The following ELAVL2 variants were observed in gnomAD, a reference collection of about 807,000 sequenced individuals.
ELAVL2 encodes the protein ELAV-like protein 2.
ELAVL2 carries 4 observed loss-of-function variants against 34.6 expected under a neutral mutation model. The ratio of observed to expected loss-of-function variants is 0.12; its 90% CI spans 0.06 to 0.26. The LOEUF (loss-of-function observed/expected upper bound fraction) is 0.26, where lower values mean the gene tolerates loss of function less well. ELAVL2 is among the 10% of genes least tolerant of loss of function. The pLI is 1.00. For synonymous variants in ELAVL2, 193 were observed against 154.8 expected, an observed-to-expected ratio of 1.25 and a Z score of -1.83; for missense variants, 432 against 442.8, an observed-to-expected ratio of 0.98 and a Z score of 0.22.
intron 1 of ELAVL2, among the ~76,000 whole-genome samples, chr9:23,811,980 G>A (rs2063069349): frequency 6.6e-6 from 1 of 152,114 alleles, no homozygotes; most frequent in Non-Finnish European, 1.5e-5. Flanking sequence ...AATGGACCAA[G>A]AAAAGACACA....
At chr9:23,743,553 C>T (rs1175477575) in intron 2 of ELAVL2, among the ~76,000 whole-genome samples, 2 of 152,096 alleles carry the variant, frequency 1.3e-5, no homozygotes, top group African/African-American at 2.4e-5. Flanking sequence ...TGTCTTTTAC[C>T]ACTGACTTTA....
intron 3 of ELAVL2, among the ~76,000 whole-genome samples, chr9:23,709,096 G>A (rs2040215262): frequency 6.6e-6 from 1 of 151,952 alleles, no homozygotes; most frequent in Non-Finnish European, 1.5e-5. Context: ...TTCACTTTCA[G>A]GAAATAAAGG....
At chr9:23,766,151 T>C (rs931906031) in intron 1 of ELAVL2, among the ~76,000 whole-genome samples, 1 of 152,172 alleles carries the variant, frequency 6.6e-6, no homozygotes, top group Non-Finnish European at 1.5e-5. Flanking sequence ...CTCTTGATAT[T>C]AGCAATGCCG....
intron 1 of ELAVL2, among the ~76,000 whole-genome samples, chr9:23,792,265 AT>A (rs1341626228): frequency 3.9e-5 from 6 of 152,210 alleles, no homozygotes; most frequent in Non-Finnish European, 7.3e-5. Context: ...AGTATGTTAA[AT>A]GTATTTTCTA....
At chr9:23,807,635 TG>T (rs2062411025) in intron 1 of ELAVL2, among the ~76,000 whole-genome samples, 1 of 152,070 alleles carries the variant, frequency 6.6e-6, no homozygotes, top group Admixed American at 6.6e-5. Flanking sequence ...GGTAAAGCAA[TG>T]GGGTGATCTG....
At chr9:23,695,528 T>C (rs1037743402) in intron 5 of ELAVL2, among the ~76,000 whole-genome samples, 10 of 152,156 alleles carry the variant, frequency 6.6e-5, no homozygotes, top group African/African-American at 2.2e-4. Context: ...AATGGGGATA[T>C]GTTCTGAAAA....
upstream of ELAVL2, among the ~76,000 whole-genome samples, chr9:23,829,290 T>A (rs2065425878): frequency 6.6e-6 from 1 of 152,148 alleles, no homozygotes; most frequent in African/African-American, 2.4e-5. Flanking sequence ...AGTTTCTATA[T>A]AAGAGAACAT....
chr9:23,703,050 G>GTGGC (rs1455226870), intron 4 of ELAVL2, among the ~76,000 whole-genome samples: 1 of 140,306 alleles, frequency 7.1e-6, no homozygotes, highest in African/African-American at 2.6e-5. Context: ...AGAACAACCT[G>GTGGC]TGGCTCACCC....
At chr9:23,826,542 C>T (rs2065310576), upstream of ELAVL2, among the ~76,000 whole-genome samples, 1 of 152,204 alleles carries the variant, frequency 6.6e-6, no homozygotes, top group African/African-American at 2.4e-5. Context: ...GAGGTACACT[C>T]TTAACACTGG....
intron 2 of ELAVL2, among the ~76,000 whole-genome samples, chr9:23,757,882 C>G (rs1049200155): frequency 3.3e-5 from 5 of 152,214 alleles, no homozygotes; most frequent in African/African-American, 1.2e-4. Context: ...CTGACACAGT[C>G]TAAAAGTTAT....
At chr9:23,842,131 T>G in the ELAVL2 span, among the ~76,000 whole-genome samples, 2 of 152,158 alleles carry the variant, frequency 1.3e-5, no homozygotes, top group Non-Finnish European at 2.9e-5. Flanking sequence ...CTTAGACAAT[T>G]GGTTTCCAAA....
chr9:23,777,707 T>C (rs1200696642), intron 1 of ELAVL2, among the ~76,000 whole-genome samples: 1 of 152,184 alleles, frequency 6.6e-6, no homozygotes, highest in African/African-American at 2.4e-5. Context: ...GGAACAGTAA[T>C]TAGACCAAAT....
intron 2 of ELAVL2, among the ~76,000 whole-genome samples, chr9:23,736,185 AC>A (rs2047841983): frequency 6.6e-6 from 1 of 152,196 alleles, no homozygotes; most frequent in Admixed American, 6.5e-5. Context: ...GCAATAGACT[AC>A]CGTAATTCTT....
chr9:23,750,476 G>T (rs1286080025), intron 2 of ELAVL2, among the ~76,000 whole-genome samples: 1 of 152,130 alleles, frequency 6.6e-6, no homozygotes, highest in African/African-American at 2.4e-5. Flanking sequence ...AACATTGTTA[G>T]ATTTTAAGAT....
chr9:23,704,414 A>G (rs1274217219), intron 4 of ELAVL2, among the ~76,000 whole-genome samples: 1 of 152,206 alleles, frequency 6.6e-6, no homozygotes, highest in African/African-American at 2.4e-5. Flanking sequence ...TAGGAATAAA[A>G]TAAATTTTTA....
At chr9:23,802,665 T>A (rs1222329251) in intron 1 of ELAVL2, among the ~76,000 whole-genome samples, 1 of 152,100 alleles carries the variant, frequency 6.6e-6, no homozygotes, top group African/African-American at 2.4e-5. Flanking sequence ...TCCTCATACA[T>A]CCGGGAAGTC....
chr9:23,746,998 T>C (rs2135424413), intron 2 of ELAVL2, among the ~76,000 whole-genome samples: 1 of 152,144 alleles, frequency 6.6e-6, no homozygotes, highest in South Asian at 2.1e-4. Context: ...AGTATGACAA[T>C]TCCCTCCTTC....
intron 2 of ELAVL2, among the ~76,000 whole-genome samples, chr9:23,746,814 G>C (rs1248983044): frequency 1.2e-5 from 1 of 86,560 alleles, no homozygotes; most frequent in South Asian, 4.0e-4. Flanking sequence ...CATGTAAACT[G>C]AAAAAGAAAA....
intron 1 of ELAVL2, among the ~76,000 whole-genome samples, chr9:23,815,177 T>C (rs779757503): frequency 2.0e-5 from 3 of 152,204 alleles, no homozygotes; most frequent in Non-Finnish European, 4.4e-5. Flanking sequence ...ATATAAATGG[T>C]TAAATTTAAA....
Sources: gnomAD v4.1 joint callset for allele counts (sites outside exome capture counted in the v4.1 genomes callset) on GRCh38, gnomAD v4.1.1 for gene constraint, MANE v1.5 for transcripts, NCBI Gene and HGNC (gene_info 2026-07-23, HGNC 2026-07-21) for gene names.